Variants in PCSK5 observed in about 807,000 individuals in gnomAD.
PCSK5 encodes the protein proprotein convertase subtilisin/kexin type 5.
PCSK5 carries 129 observed loss-of-function variants against 233.2 expected under a neutral mutation model. The ratio of observed to expected loss-of-function variants is 0.55; its 90% confidence interval spans 0.48 to 0.64. PCSK5 has a LOEUF of 0.64. Ranked by LOEUF, PCSK5 falls within the 30% of genes least tolerant of loss-of-function variation. The probability of loss-of-function intolerance (pLI) is 0.00; values close to 1 mark genes in which losing one functional copy is unlikely to be tolerated. For synonymous variants in PCSK5, 825 were observed against 879.2 expected (o/e 0.94, Z 1.09); for missense variants, 2,076 against 2,430.1 (o/e 0.85, Z 3.06).
At chr9:76,132,763 T>A (rs1822810919) in intron 9 of PCSK5, among the ~76,000 whole-genome samples, 1 of 152,058 alleles carries the variant, frequency 6.6e-6, no homozygotes, top group Non-Finnish European at 1.5e-5. Context: ...AAGCAGATAC[T>A]AGCATCCATG....
intron 3 of PCSK5, among the ~76,000 whole-genome samples, chr9:76,004,188 TG>T (rs1827381536): frequency 6.6e-6 from 1 of 152,234 alleles, no homozygotes; most frequent in Admixed American, 6.5e-5. Context: ...TGGTCTTTCA[TG>T]TTGATGATTT....
chr9:76,096,488 G>A (rs1290692698), intron 8 of PCSK5, among the ~76,000 whole-genome samples: 1 of 152,030 alleles, frequency 6.6e-6, no homozygotes. Flanking sequence ...TTAGTGCTTG[G>A]TTTCTGAGTA....
chr9:75,964,342 T>C (rs1825485303), intron 2 of PCSK5, among the ~76,000 whole-genome samples: 1 of 152,198 alleles, frequency 6.6e-6, no homozygotes, highest in African/African-American at 2.4e-5. Context: ...TCTTTTTTAA[T>C]TTTTTTCACT....
intron 24 of PCSK5, among the ~76,000 whole-genome samples, chr9:76,283,548 A>T (rs189751660): frequency 2.5e-4 from 38 of 152,338 alleles, no homozygotes; most frequent in Non-Finnish European, 4.1e-4. Context: ...TATTACTTTT[A>T]TATGCACTGG....
intron 5 of PCSK5, among the ~76,000 whole-genome samples, chr9:76,033,584 A>G (rs1000863918): frequency 6.8e-6 from 1 of 146,290 alleles, no homozygotes; most frequent in East Asian, 2.0e-4. Context: ...GCAATTGTGG[A>G]AAAAAAAAAA....
intron 5 of PCSK5, among the ~76,000 whole-genome samples, chr9:76,054,738 G>A (rs770235829): frequency 3.9e-5 from 6 of 152,234 alleles, no homozygotes; most frequent in Admixed American, 6.5e-5. Context: ...AGTTTCCCAC[G>A]ATGGTAACAG....
intron 22 of PCSK5, among the ~76,000 whole-genome samples, chr9:76,236,205 A>G (rs1826248351): frequency 6.6e-6 from 1 of 152,214 alleles, no homozygotes; most frequent in South Asian, 2.1e-4. Flanking sequence ...GTTTATTTTC[A>G]GAATCCCTGC....
At chr9:76,087,224 C>T (rs1003499366) in intron 7 of PCSK5, among the ~76,000 whole-genome samples, 3 of 152,220 alleles carry the variant, frequency 2.0e-5, no homozygotes, top group African/African-American at 7.2e-5. Context: ...GAAAGGGCAT[C>T]TCCGATAAGG....
At chr9:76,196,117 C>T (rs1824687589) in intron 20 of PCSK5, among the ~76,000 whole-genome samples, 1 of 152,174 alleles carries the variant, frequency 6.6e-6, no homozygotes, top group South Asian at 2.1e-4. Context: ...ATATTAAATA[C>T]CATCTTTAGA....
chr9:76,191,487 T>C (rs900989127), intron 20 of PCSK5, among the ~76,000 whole-genome samples: 2 of 152,218 alleles, frequency 1.3e-5, no homozygotes, highest in East Asian at 3.9e-4. Context: ...ATTCCACAAC[T>C]CCCTACAAAG....
At chr9:76,264,484 G>T (rs1008296922) in intron 24 of PCSK5, among the ~76,000 whole-genome samples, 1 of 152,032 alleles carries the variant, frequency 6.6e-6, no homozygotes, top group Non-Finnish European at 1.5e-5. Context: ...AAGAACTTCT[G>T]CACAGCAAAA....
Position 76,020,464 on chromosome 9 carries a change from C to T in PCSK5, c.412-3274C>T, listed in dbSNP as rs566974228. Among the ~76,000 whole-genome samples, 318 of 152,280 alleles carry T rather than the reference C, an allele frequency of 2.1e-3. 2 individuals carry two copies. The highest frequency in any genetic ancestry group is 3.6e-3 in the Non-Finnish European group (248 of 68,022). Reference sequence around the variant, plus strand: ...GGGTTCTGATTTAAATGCCCTCTCACCTTATTACTCACATTTGCAAAAGAC... The same window carrying T: ...GGGTTCTGATTTAAATGCCCTCTCATCTTATTACTCACATTTGCAAAAGAC... On this transcript the variant is annotated intron_variant, in intron 3 of 37. Transcript: ENST00000674117.
intron 24 of PCSK5, among the ~76,000 whole-genome samples, chr9:76,271,616 G>T (rs765512288): frequency 6.6e-6 from 1 of 151,926 alleles, no homozygotes; most frequent in Admixed American, 6.6e-5. Flanking sequence ...CAGGAGGATC[G>T]CTTGAAGCCA....
At chr9:76,112,740 C>A (rs1449859827) in intron 9 of PCSK5, among the ~76,000 whole-genome samples, 1 of 151,978 alleles carries the variant, frequency 6.6e-6, no homozygotes, top group Non-Finnish European at 1.5e-5. Context: ...CACTTGCTTT[C>A]AGGGGATTTT....
intron 33 of PCSK5, among the ~76,000 whole-genome samples, chr9:76,331,483 C>T (rs558950841): frequency 2.0e-4 from 30 of 152,012 alleles, no homozygotes; most frequent in Admixed American, 1.3e-3. Context: ...CTGGCTAAAA[C>T]GGTGAAACCC....
intron 24 of PCSK5, among the ~76,000 whole-genome samples, chr9:76,277,369 A>G (rs1269716732): frequency 2.6e-5 from 4 of 152,218 alleles, no homozygotes. Context: ...ATTTTCATCC[A>G]TCACTTCTAC....
At chr9:76,221,880 C>A (rs79393700) in intron 20 of PCSK5, among the ~76,000 whole-genome samples, 2,470 of 152,248 alleles carry the variant, frequency 0.016, 74 homozygotes, top group African/African-American at 0.055. Flanking sequence ...ATGTCAGTGC[C>A]TGCCTGAGAA....
intron 5 of PCSK5, among the ~76,000 whole-genome samples, chr9:76,065,811 C>T (rs1344413274): frequency 1.3e-5 from 2 of 151,940 alleles, no homozygotes; most frequent in African/African-American, 4.8e-5. Context: ...AATTTGATTT[C>T]CATATAGGGT....
intron 1 of PCSK5, among the ~76,000 whole-genome samples, chr9:75,899,275 A>G (rs896906214): frequency 5.3e-5 from 8 of 152,232 alleles, no homozygotes; most frequent in African/African-American, 1.7e-4. Context: ...TACTTAAGGT[A>G]TACAACATGA....
Sources: gnomAD v4.1 joint callset for allele counts (sites outside exome capture counted in the v4.1 genomes callset) on GRCh38, gnomAD v4.1.1 for gene constraint, MANE v1.5 for transcripts, NCBI Gene and HGNC (gene_info 2026-07-23, HGNC 2026-07-21) for gene names.